The following ADGRA1 variants were observed in gnomAD, a reference collection of about 807,000 sequenced individuals.
ADGRA1 encodes the protein adhesion G protein-coupled receptor A1.
In ADGRA1, 12 loss-of-function variants were observed where a neutral mutation model predicts 21.3. The ratio of observed to expected loss-of-function variants is 0.56; its 90% CI spans 0.36 to 0.91. The LOEUF (loss-of-function observed/expected upper bound fraction) is 0.91, where lower values mean the gene tolerates loss of function less well. Among genes scored for constraint, ADGRA1 ranks in the 40% least tolerant of loss-of-function variants. The pLI is 0.01. For synonymous variants in ADGRA1, 385 were observed against 368.8 expected (o/e 1.04, Z -0.50); for missense variants, 790 against 805.6 (o/e 0.98, Z 0.23).
At chr10:133,089,159 T>C (rs1851557111) in intron 2 of ADGRA1, 2 of 603,850 alleles carry the variant, frequency 3.3e-6, no homozygotes, top group East Asian at 6.9e-5. Flanking sequence ...CATATGGCAA[T>C]GTGGAATCAT....
At chr10:133,113,666 G>C (rs1852104190) in intron 5 of ADGRA1, among the ~76,000 whole-genome samples, 1 of 152,102 alleles carries the variant, frequency 6.6e-6, no homozygotes, top group Admixed American at 6.5e-5. Context: ...AGCTGCCTAA[G>C]GGCGGGCAGA....
chr10:133,098,534 G>C lies in ADGRA1; in HGVS notation c.132-106G>C, dbSNP rs569156376. ...GGACAGCTGCCCCTGACCCCACGGAGAGCCCGGACTTCCCGGGGACAGAGC... is the reference window on the plus strand; with the variant it reads ...GGACAGCTGCCCCTGACCCCACGGACAGCCCGGACTTCCCGGGGACAGAGC... On this transcript the variant is annotated intron_variant, in intron 3 of 6. Coordinates refer to ENST00000392607, the MANE Select transcript of ADGRA1 (RefSeq NM_001083909.3). 12 of 1,395,842 alleles carry C rather than the reference G, an allele frequency of 8.6e-6. No individual in the cohort carries two copies. The East Asian group carries it at 1.2e-4, about 14-fold the overall frequency. 86.5% of individuals were successfully genotyped at this position (1,395,842 alleles called of 1,614,324 possible). A position where few individuals can be genotyped will look rare whatever the true frequency, so the allele number is the denominator to read the frequency against.
chr10:133,094,491 G>T (rs1246797125), intron 2 of ADGRA1, among the ~76,000 whole-genome samples: 1 of 152,192 alleles, frequency 6.6e-6, no homozygotes, highest in African/African-American at 2.4e-5. Context: ...AGTCCTGCAG[G>T]AAGGCGCGGC....
chr10:133,130,768 CACGTGCATATCACACACATGCACACAA>C lies in ADGRA1; in HGVS notation c.*1276_*1302del, dbSNP rs1208576870. ...TATCACACACATGCACACACACAAA[CACGTGCATATCACACACATGCACACAA>C]ACGTGCATATCACACACACGCACAC... On this transcript the variant is annotated 3_prime_UTR_variant, in exon 7 of 7. Transcript: ENST00000392607. 6 of 151,894 alleles carry C rather than the reference CACGTGCATATCACACACATGCACACAA, an allele frequency of 4.0e-5. No individual in the cohort carries two copies. Among genetic ancestry groups the C allele is most frequent in the Non-Finnish European group, 5.9e-5 (4 of 68,048 alleles). The allele number at this position is 151,894 out of a possible 1,614,324, so 9.4% of individuals were successfully genotyped here.
rs551680459 is a variant in ADGRA1, at chr10:133,122,491, C to T, written c.402-4742C>T. 3.3e-5 allele frequency among the ~76,000 whole-genome samples: 5 copies of T among 152,362 alleles called. No homozygotes were observed. The East Asian group carries it at 9.6e-4, about 29-fold the overall frequency. Reference sequence around the variant, plus strand: ...CTGGGCAGGGTCAGCTGCAGGTGCCCCCTCTACTGCGAAGCTCCACCTGCA... The same window carrying T: ...CTGGGCAGGGTCAGCTGCAGGTGCCTCCTCTACTGCGAAGCTCCACCTGCA... On this transcript the variant is annotated intron_variant, in intron 5 of 6. Transcript: ENST00000392607.
rs1345905219 is a variant in ADGRA1 at position 133,127,321 on chromosome 10, G to T, written c.490G>T (p.Asp164Tyr). 6 of 1,596,822 alleles carry T rather than the reference G, an allele frequency of 3.8e-6. No homozygotes were observed. Among genetic ancestry groups the T allele is most frequent in the Non-Finnish European group, 5.1e-6 (6 of 1,172,670 alleles). The change falls in exon 6 of 7, where the codon GAC (aspartate) becomes TAC (tyrosine). Residue 164 changes from aspartate to tyrosine, a missense_variant. Asp to Tyr is a radical substitution (Grantham distance 160). Coordinates refer to ENST00000392607, the MANE Select transcript of ADGRA1 (RefSeq NM_001083909.3). ...CAGGAATTACGGGACAGAGGACGAG[G>T]ACACGGCGTAGTGAGTACCGGGCAC... ...NIRNYGTEDE[D>Y]TAYCWMAWEP...
intron 5 of ADGRA1, among the ~76,000 whole-genome samples, chr10:133,115,399 T>C (rs1466727411): frequency 6.6e-6 from 1 of 152,190 alleles, no homozygotes; most frequent in Non-Finnish European, 1.5e-5. Flanking sequence ...ACAAGGCCTC[T>C]GCACCTGTGA....
rs1347897839 is a variant in ADGRA1, at chr10:133,129,702, C to T, written c.*191C>T. 2 of 380,736 alleles carry T rather than the reference C, an allele frequency of 5.3e-6. No homozygotes were observed. Among genetic ancestry groups the T allele is most frequent in the South Asian group, 7.5e-5 (2 of 26,636 alleles). The allele number at this position is 380,736 out of a possible 1,614,324, so 23.6% of individuals were successfully genotyped here. ...CACCCCTGCCCCTTCCTTGTGATCA[C>T]ACCCCTGCCCCTTCCTTGTGAAAGA... On this transcript the variant is annotated 3_prime_UTR_variant, in exon 7 of 7. Transcript: ENST00000392607.
intron 5 of ADGRA1, among the ~76,000 whole-genome samples, chr10:133,116,751 C>T (rs1043641078): frequency 2.0e-5 from 3 of 152,136 alleles, no homozygotes; most frequent in Non-Finnish European, 4.4e-5. Context: ...CTTTTGGCCG[C>T]GCCTCTTTCT....
In ADGRA1 at chr10:133,095,671, G is replaced by A. The variant is rs1045279602; in HGVS notation, c.4-1303G>A. 5.0e-6 allele frequency: 8 copies of A among 1,596,590 alleles called. No homozygotes were observed. The Admixed American group carries it at 5.0e-5, about 10-fold the overall frequency. On this transcript the variant is annotated intron_variant, in intron 2 of 6. Coordinates refer to ENST00000392607, the MANE Select transcript of ADGRA1 (RefSeq NM_001083909.3). ...CCCAGAGCACCCTCTGTCCACGGTG[G>A]ACACTCTCTAGCCAGCCAGGGCCTC... is the stretch of plus-strand genomic sequence containing the variant.
chr10:133,091,499 G>C (rs577321976), intron 2 of ADGRA1, among the ~76,000 whole-genome samples: 3 of 152,340 alleles, frequency 2.0e-5, no homozygotes, highest in Admixed American at 6.5e-5. Flanking sequence ...CAGGGTTCAG[G>C]CCCTGTGCCG....
chr10:133,123,323 G>T (rs1458966071), intron 5 of ADGRA1, among the ~76,000 whole-genome samples: 1 of 152,196 alleles, frequency 6.6e-6, no homozygotes, highest in African/African-American at 2.4e-5. Flanking sequence ...TGACGGGCAG[G>T]AGCCTGTGTT....
intron 5 of ADGRA1, among the ~76,000 whole-genome samples, chr10:133,113,143 A>G (rs1361140335): frequency 8.2e-6 from 1 of 122,462 alleles, no homozygotes; most frequent in Non-Finnish European, 1.7e-5. Flanking sequence ...TCTGTGGGCC[A>G]CGTCGGTTAT....
At chr10:133,115,336 A>C (rs912747420) in intron 5 of ADGRA1, among the ~76,000 whole-genome samples, 1 of 152,194 alleles carries the variant, frequency 6.6e-6, no homozygotes, top group African/African-American at 2.4e-5. Flanking sequence ...AGCGGTCAGC[A>C]GCAGGCACGG....
chr10:133,092,976 G>T, intron 2 of ADGRA1: 7 of 1,588,966 alleles, frequency 4.4e-6, no homozygotes, highest in Non-Finnish European at 6.0e-6. Context: ...TGCAGACCTG[G>T]CCCCGGACAC....
At chr10:133,121,494 A>G (rs535618995) in intron 5 of ADGRA1, among the ~76,000 whole-genome samples, 43 of 145,394 alleles carry the variant, frequency 3.0e-4, no homozygotes, top group African/African-American at 9.6e-4. Flanking sequence ...GGTGTGTGCC[A>G]GTGTGCGTGT....
At chr10:133,127,753 C>T (rs1408182774) in intron 6 of ADGRA1, among the ~76,000 whole-genome samples, 1 of 125,528 alleles carries the variant, frequency 8.0e-6, no homozygotes, top group Non-Finnish European at 1.8e-5. Context: ...CCCGTCTGCC[C>T]TCCGCCTTGC....
Position 133,129,097 on chromosome 10 carries a change from G to T in ADGRA1, c.1269G>T (p.Pro423=), listed in dbSNP as rs547142425. The change falls in exon 7 of 7, where the codon CCG becomes CCT. Residue 423 remains proline, a synonymous_variant. Coordinates refer to ENST00000392607, the MANE Select transcript of ADGRA1 (RefSeq NM_001083909.3). ...GGTGCCTTCAGGGCAGAACTAAGCC[G>T]CCCTACTTTAGCCGGCACCCAGCAG... ...LHGCLQGRTK[P]PYFSRHPAEE... 6 of 1,550,158 alleles carry T rather than the reference G, an allele frequency of 3.9e-6. No homozygotes were observed. In the South Asian group the frequency reaches 5.9e-5, roughly 15 times the overall value.
At position 133,130,025 on chromosome 10, in the gene ADGRA1, G is replaced by A. The variant is rs1266605766; in HGVS notation, c.*514G>A. 1.9e-5 allele frequency: 3 copies of A among 158,066 alleles called. No homozygotes were observed. The highest frequency in any genetic ancestry group is 4.2e-5 in the Non-Finnish European group (3 of 71,608). 9.8% of individuals were successfully genotyped at this position (158,066 alleles called of 1,614,324 possible). On this transcript the variant is annotated 3_prime_UTR_variant, in exon 7 of 7. Transcript: ENST00000392607. ...ATGTGTGTGTCTTGCGTTCTACTCC[G>A]GGGGTGGCGGCGGCAGGTCTGTCCC...
Sources: allele counts gnomAD v4.1 joint callset (sites outside exome capture counted in the v4.1 genomes callset), GRCh38; gene constraint gnomAD v4.1.1; transcripts MANE v1.5; gene names NCBI Gene and HGNC (gene_info 2026-07-23, HGNC 2026-07-21).